EDEM3: variants seen among roughly 807,000 people sequenced by gnomAD.
EDEM3 encodes the protein ER degradation enhancing alpha-mannosidase like protein 3, also known as ER degradation-enhancing alpha-mannosidase-like protein 3.
A neutral mutation model predicts 110.2 loss-of-function variants in EDEM3; 60 were observed. The ratio of observed to expected loss-of-function variants is 0.54; its 90% CI spans 0.44 to 0.67. The LOEUF (loss-of-function observed/expected upper bound fraction) is 0.67, where lower values mean the gene tolerates loss of function less well. Among genes scored for constraint, EDEM3 ranks in the 30% least tolerant of loss-of-function variants. EDEM3 has a pLI of 0.00. For missense variants in EDEM3, 996 were observed against 1,121.0 expected (o/e 0.89, Z 1.59); for synonymous variants, 352 against 382.9 (o/e 0.92, Z 0.94).
chr1:184,700,946 TA>T (rs1321488513), intron 19 of EDEM3, among the ~76,000 whole-genome samples: 1 of 152,036 alleles, frequency 6.6e-6, no homozygotes, highest in Non-Finnish European at 1.5e-5. Context: ...GATCACTCTA[TA>T]ACAATCACAG....
chr1:184,754,572 C>T lies in EDEM3; in HGVS notation c.75G>A (p.Thr25=). 6.2e-7 allele frequency: 1 copy of T among 1,609,892 alleles called. No individual in the cohort carries two copies. Among genetic ancestry groups the T allele is most frequent in the East Asian group, 2.2e-5 (1 of 44,752 alleles). Residue 25 remains threonine, a synonymous_variant, in exon 1 of 20, where the codon ACG becomes ACA. Coordinates refer to ENST00000318130, the MANE Select transcript of EDEM3 (RefSeq NM_025191.4). The part of the protein sequence containing the change: ...QRARWRLVAA[T]AAFCLVSATS... ...TGGCCGACACCAGGCAGAACGCGGC[C>T]GTCGCCGCCACTAGTCTCCATCGCG...
At chr1:184,740,117 C>T (rs1256678620) in intron 2 of EDEM3, among the ~76,000 whole-genome samples, 1 of 152,080 alleles carries the variant, frequency 6.6e-6, no homozygotes, top group African/African-American at 2.4e-5. Context: ...TTTATATTTC[C>T]TTCACCAAGA....
chr1:184,728,379 A>C (rs556121182), intron 6 of EDEM3, among the ~76,000 whole-genome samples: 1 of 152,232 alleles, frequency 6.6e-6, no homozygotes, highest in South Asian at 2.1e-4. Context: ...ATAGAAAAGA[A>C]TAAACATCTC....
chr1:184,730,565 T>TG (rs1008344103), intron 6 of EDEM3, among the ~76,000 whole-genome samples: 1 of 152,080 alleles, frequency 6.6e-6, no homozygotes, highest in Admixed American at 6.6e-5. Flanking sequence ...CCAGCCTGGG[T>TG]GATAGAGGGA....
chr1:184,735,670 G>C (rs2102115359), intron 4 of EDEM3, among the ~76,000 whole-genome samples: 1 of 152,194 alleles, frequency 6.6e-6, no homozygotes, highest in East Asian at 1.9e-4. Context: ...GGTAAGTCCT[G>C]ACTAAAACAT....
chr1:184,702,804 C>G lies in EDEM3; in HGVS notation c.2389+7G>C. 6.4e-7 allele frequency: 1 copy of G among 1,573,000 alleles called. No homozygotes were observed. Among genetic ancestry groups the G allele is most frequent in the African/African-American group, 1.4e-5 (1 of 72,744 alleles). ...GCATAAAAAAACAAATGGTATTTTA[C>G]TCTTACCTCGATCTTTTGCTTTATC... On this transcript the variant is annotated splice_region_variant and intron_variant, in intron 19 of 19. Transcript: ENST00000318130.
intron 6 of EDEM3, among the ~76,000 whole-genome samples, chr1:184,729,380 T>C (rs1364612237): frequency 6.6e-6 from 1 of 152,198 alleles, no homozygotes; most frequent in Non-Finnish European, 1.5e-5. Context: ...TAAATCATAA[T>C]AGAATTCTTA....
rs1259130411 is a variant in EDEM3, at chr1:184,706,704, G to A, written c.2142C>T (p.Cys714=). ...GKIALIQRGQ[C]MFAEKARNIQ... is the part of the protein sequence containing the mutation. ...TGTTGCGTGCCTTTTCTGCAAACAT[G>A]CACTGTCCTCTTTGTATCAGTGCGA... is the stretch of plus-strand genomic sequence containing the variant. Residue 714 remains cysteine, a synonymous_variant, in exon 18 of 20, where the codon TGC becomes TGT. Coordinates refer to ENST00000318130, the MANE Select transcript of EDEM3 (RefSeq NM_025191.4). The A allele has an allele frequency of 3.1e-6, 5 of 1,613,840 alleles. No homozygotes were observed. The highest frequency in any genetic ancestry group is 2.2e-5 in the East Asian group (1 of 44,854).
intron 1 of EDEM3, among the ~76,000 whole-genome samples, chr1:184,754,195 C>T (rs973766445): frequency 6.7e-6 from 1 of 150,168 alleles, no homozygotes; most frequent in Non-Finnish European, 1.5e-5. Context: ...CGGGCTGTAG[C>T]CCCCTTCTTG....
Position 184,711,878 on chromosome 1 carries a change from C to A in EDEM3, c.1537-1G>T. On this transcript the variant is annotated splice_acceptor_variant, in intron 14 of 19. Transcript: ENST00000318130. LOFTEE classifies it high-confidence loss of function. ...CATCCAGTTCTGTATATTCCGAGGT[C>A]TACAAGAGAAAAACATTTTATGTAA... 2 of 1,577,432 alleles carry A rather than the reference C, an allele frequency of 1.3e-6. No homozygotes were observed. The highest frequency in any genetic ancestry group is 1.7e-6 in the Non-Finnish European group (2 of 1,167,874).
intron 7 of EDEM3, among the ~76,000 whole-genome samples, chr1:184,725,122 C>T (rs541383688): frequency 1.3e-5 from 2 of 152,184 alleles, no homozygotes; most frequent in Non-Finnish European, 2.9e-5. Flanking sequence ...TGTATTATAT[C>T]AATGCTTTGT....
At chr1:184,754,379 C>T (rs1215761143) in intron 1 of EDEM3, 110 bp downstream of exon 1, 3 of 1,514,258 alleles carry the variant, frequency 2.0e-6, no homozygotes, top group African/African-American at 1.4e-5. Context: ...CGGGAAGAGC[C>T]GTTCCAATCG....
intron 2 of EDEM3, among the ~76,000 whole-genome samples, chr1:184,744,250 AT>A: frequency 5.0e-4 from 2 of 3,998 alleles, no homozygotes; most frequent in Non-Finnish European, 8.6e-4. Context: ...CAAATGACAA[AT>A]ATATATATAT....
chr1:184,753,740 T>G (rs187201254), intron 1 of EDEM3, among the ~76,000 whole-genome samples: 26 of 152,344 alleles, frequency 1.7e-4, no homozygotes, highest in African/African-American at 6.0e-4. Flanking sequence ...TTCATGTTTA[T>G]TTACCACTTC....
At chr1:184,699,590 C>T (rs1649506785) in intron 19 of EDEM3, among the ~76,000 whole-genome samples, 1 of 151,876 alleles carries the variant, frequency 6.6e-6, no homozygotes, top group Non-Finnish European at 1.5e-5. Context: ...CCAACAGCAA[C>T]TTAAGGTGTG....
chr1:184,717,097 C>A, intron 12 of EDEM3, 85 bp from the exon 13 acceptor site: 1 of 1,149,676 alleles, frequency 8.7e-7, no homozygotes, highest in Non-Finnish European at 1.2e-6. Context: ...TTATTGAGTA[C>A]CTACTAGGTG....
Position 184,705,497 on chromosome 1 carries a change from T to C in EDEM3, c.2203+1146A>G, listed in dbSNP as rs116177295. On this transcript the variant is annotated intron_variant, in intron 18 of 19. Transcript: ENST00000318130. ...TGGCATGACTGTGTCCCAATAAAAC[T>C]TTTATTTACAAAAATGGGCAATGAG... 2.8e-3 allele frequency among the ~76,000 whole-genome samples: 434 copies of C among 152,318 alleles called. 5 individuals carry two copies. In the East Asian group the frequency reaches 0.036, roughly 13 times the overall value.
At chr1:184,747,323 T>C (rs971081) in intron 2 of EDEM3, among the ~76,000 whole-genome samples, 46,403 of 152,088 alleles carry the variant, frequency 0.31, 8,605 homozygotes, top group East Asian at 0.55. Context: ...CCAAAACCTA[T>C]ACACTTTTAC....
chr1:184,729,622 T>C (rs1305830769), intron 6 of EDEM3, among the ~76,000 whole-genome samples: 2 of 152,196 alleles, frequency 1.3e-5, no homozygotes, highest in African/African-American at 2.4e-5. Context: ...CAATTACATA[T>C]GCTTATCTAA....
Sources: gnomAD v4.1 joint callset for allele counts (sites outside exome capture counted in the v4.1 genomes callset) on GRCh38, gnomAD v4.1.1 for gene constraint, MANE v1.5 for transcripts, NCBI Gene and HGNC (gene_info 2026-07-23, HGNC 2026-07-21) for gene names.